The following SLC24A2 variants were observed in gnomAD, a reference collection of about 807,000 sequenced individuals.
SLC24A2 encodes the protein solute carrier family 24 member 2, also known as sodium/potassium/calcium exchanger 2.
Under a neutral mutation model 62.0 loss-of-function variants are expected in SLC24A2, and 36 were observed. The ratio of observed to expected loss-of-function variants is 0.58; its 90% CI spans 0.44 to 0.77. The LOEUF (loss-of-function observed/expected upper bound fraction) is 0.77. Ranked by LOEUF, SLC24A2 falls within the 30% of genes least tolerant of loss-of-function variation. The pLI, the probability that SLC24A2 is intolerant of heterozygous loss-of-function variation, is 0.00. For missense variants in SLC24A2, 846 were observed against 817.9 expected (o/e 1.03, Z -0.42); for synonymous variants, 358 against 294.0 (o/e 1.22, Z -2.23).
chr9:20,077,458 G>A, the SLC24A2 span, among the ~76,000 whole-genome samples: 1 of 152,104 alleles, frequency 6.6e-6, no homozygotes, highest in South Asian at 2.1e-4. Flanking sequence ...TTAAAACAAA[G>A]TAGCTAGAAT....
chr9:20,295,581 TA>T, the SLC24A2 span, among the ~76,000 whole-genome samples: 1 of 152,158 alleles, frequency 6.6e-6, no homozygotes, highest in Non-Finnish European at 1.5e-5. Flanking sequence ...AGGCACTGTC[TA>T]ATCAGCCAAA....
Position 19,521,192 on chromosome 9 carries a change from A to G in SLC24A2, c.1570-132T>C. 6.2e-6 allele frequency: 5 copies of G among 808,958 alleles called. No homozygotes were observed. In the Admixed American group the frequency reaches 1.0e-4, roughly 16 times the overall value. The allele number at this position is 808,958 out of a possible 1,614,324, so 50.1% of individuals were successfully genotyped here. A position where few individuals can be genotyped will look rare whatever the true frequency, so the allele number is the denominator to read the frequency against. Reference sequence around the variant, plus strand: ...TATGCAAAGTGCTGAGATGATAAAGATGAATAAGCCACAGTCATTGCTAAT... The same window carrying G: ...TATGCAAAGTGCTGAGATGATAAAGGTGAATAAGCCACAGTCATTGCTAAT... On this transcript the variant is annotated intron_variant, in intron 9 of 10. Coordinates refer to ENST00000341998, the MANE Select transcript of SLC24A2 (RefSeq NM_020344.4).
chr9:19,548,872 G>A (rs1207563776), intron 8 of SLC24A2, among the ~76,000 whole-genome samples: 1 of 152,198 alleles, frequency 6.6e-6, no homozygotes, highest in Non-Finnish European at 1.5e-5. Context: ...AAACAGAAAT[G>A]AGACTCTCAC....
intron 7 of SLC24A2, among the ~76,000 whole-genome samples, chr9:19,556,812 C>T (rs558699459): frequency 1.6e-4 from 25 of 152,286 alleles, no homozygotes; most frequent in South Asian, 8.3e-4. Flanking sequence ...CCCCACCAGA[C>T]GTTAAACACT....
the SLC24A2 span, among the ~76,000 whole-genome samples, chr9:19,880,542 T>C: frequency 6.6e-6 from 1 of 152,176 alleles, no homozygotes; most frequent in Non-Finnish European, 1.5e-5. Flanking sequence ...ATAAAGTCAA[T>C]GTGAAAATCT....
chr9:19,535,061 T>A (rs1045536885), intron 8 of SLC24A2, among the ~76,000 whole-genome samples: 10 of 152,236 alleles, frequency 6.6e-5, no homozygotes, highest in Middle Eastern at 3.2e-3. Context: ...CTAACTGGTA[T>A]GAGATAGTAT....
chr9:20,089,411 C>G, the SLC24A2 span, among the ~76,000 whole-genome samples: 4 of 152,194 alleles, frequency 2.6e-5, no homozygotes, highest in South Asian at 8.3e-4. Flanking sequence ...AAACCACAAC[C>G]CCTGTGCCAC....
At chr9:20,224,710 G>C in the SLC24A2 span, among the ~76,000 whole-genome samples, 50 of 152,048 alleles carry the variant, frequency 3.3e-4, 1 homozygote, top group African/African-American at 1.2e-3. Flanking sequence ...GGGAGGGATG[G>C]AGGGAGGGAA....
the SLC24A2 span, among the ~76,000 whole-genome samples, chr9:20,270,330 A>G: frequency 1.3e-5 from 2 of 152,150 alleles, no homozygotes; most frequent in Non-Finnish European, 2.9e-5. Flanking sequence ...GGAGATGTCT[A>G]GGCTATATTT....
At chr9:20,063,575 TG>T in the SLC24A2 span, among the ~76,000 whole-genome samples, 1 of 151,990 alleles carries the variant, frequency 6.6e-6, no homozygotes, top group African/African-American at 2.4e-5. Flanking sequence ...CGCATCAGCA[TG>T]GCACATGTAT....
chr9:20,002,378 T>C, the SLC24A2 span, among the ~76,000 whole-genome samples: 97 of 152,080 alleles, frequency 6.4e-4, no homozygotes, highest in Admixed American at 6.5e-4. Context: ...TTTTTTTTTT[T>C]TTTTTCAGTA....
chr9:19,904,393 G>C, the SLC24A2 span, among the ~76,000 whole-genome samples: 1 of 152,170 alleles, frequency 6.6e-6, no homozygotes, highest in East Asian at 1.9e-4. Context: ...AGACAGGGGA[G>C]AAAATGTGAA....
At chr9:19,890,196 G>GAAAGAGTCA in the SLC24A2 span, among the ~76,000 whole-genome samples, 1 of 152,154 alleles carries the variant, frequency 6.6e-6, no homozygotes, top group Non-Finnish European at 1.5e-5. Flanking sequence ...AAATGCTGGA[G>GAAAGAGTCA]AAAGAGTCAA....
intron 4 of SLC24A2, among the ~76,000 whole-genome samples, chr9:19,608,896 C>T (rs967768156): frequency 2.0e-5 from 3 of 152,158 alleles, no homozygotes; most frequent in African/African-American, 7.2e-5. Flanking sequence ...AGCTACATGC[C>T]TGCTCATCTC....
intron 2 of SLC24A2, among the ~76,000 whole-genome samples, chr9:19,734,603 T>A (rs1366242472): frequency 1.3e-5 from 2 of 152,210 alleles, no homozygotes; most frequent in Non-Finnish European, 2.9e-5. Context: ...GTCCTTCACA[T>A]CCCTTGTAAG....
the SLC24A2 span, among the ~76,000 whole-genome samples, chr9:20,077,346 A>G: frequency 6.6e-6 from 1 of 152,204 alleles, no homozygotes; most frequent in Non-Finnish European, 1.5e-5. Flanking sequence ...AATCTGCTTC[A>G]CTATAGTAAC....
intron 2 of SLC24A2, among the ~76,000 whole-genome samples, chr9:19,639,633 C>T (rs994843251): frequency 1.3e-5 from 2 of 152,236 alleles, no homozygotes; most frequent in East Asian, 1.9e-4. Flanking sequence ...CTTGTATGGA[C>T]ATATGGGTCA....
chr9:20,260,942 A>T, the SLC24A2 span, among the ~76,000 whole-genome samples: 1 of 147,304 alleles, frequency 6.8e-6, no homozygotes, highest in African/African-American at 2.5e-5. Flanking sequence ...TGCAACCTCC[A>T]CCTCCCGGGT....
chr9:19,563,151 C>G (rs1421625720), intron 7 of SLC24A2, among the ~76,000 whole-genome samples: 1 of 147,464 alleles, frequency 6.8e-6, no homozygotes, highest in Non-Finnish European at 1.5e-5. Flanking sequence ...TTTTGATATT[C>G]TTATTTCTTT....
Sources: gnomAD v4.1 joint callset for allele counts (sites outside exome capture counted in the v4.1 genomes callset) on GRCh38, gnomAD v4.1.1 for gene constraint, MANE v1.5 for transcripts, NCBI Gene and HGNC (gene_info 2026-07-23, HGNC 2026-07-21) for gene names.